SPOCK3: variants seen among roughly 807,000 people sequenced by gnomAD.
SPOCK3 encodes SPARC (osteonectin), cwcv and kazal like domains proteoglycan 3.
A neutral mutation model predicts 56.6 loss-of-function variants in SPOCK3; 30 were observed. That is an observed-to-expected ratio of 0.53 (90% CI 0.40 to 0.72). The LOEUF is 0.72. Among genes scored for constraint, SPOCK3 ranks in the 30% least tolerant of loss-of-function variants. The pLI is 0.00. For synonymous variants in SPOCK3, 196 were observed against 183.3 expected, an observed-to-expected ratio of 1.07 and a Z score of -0.56; for missense variants, 527 against 530.0, an observed-to-expected ratio of 0.99 and a Z score of 0.06.
intron 7 of SPOCK3, among the ~76,000 whole-genome samples, chr4:166,779,571 C>G (rs1261198157): frequency 1.3e-5 from 2 of 151,192 alleles, no homozygotes; most frequent in Non-Finnish European, 2.9e-5. Context: ...TCAAAATTAT[C>G]TAATTTGAAA....
chr4:167,202,607 T>C (rs183690758), intron 2 of SPOCK3, among the ~76,000 whole-genome samples: 9 of 152,040 alleles, frequency 5.9e-5, no homozygotes, highest in Non-Finnish European at 7.4e-5. Context: ...ATTCTCCCTC[T>C]GATTTTTTAA....
chr4:166,921,865 C>G (rs1738526208), intron 4 of SPOCK3, among the ~76,000 whole-genome samples: 1 of 152,192 alleles, frequency 6.6e-6, no homozygotes, highest in Non-Finnish European at 1.5e-5. Context: ...TTATCATCTT[C>G]TAACCTACAA....
chr4:166,972,276 A>AACC (rs1252663277), intron 4 of SPOCK3, among the ~76,000 whole-genome samples: 1 of 152,166 alleles, frequency 6.6e-6, no homozygotes, highest in East Asian at 1.9e-4. Context: ...TTCTGTACAA[A>AACC]ACCACAAATC....
At chr4:167,152,135 G>A (rs1215766356) in intron 2 of SPOCK3, among the ~76,000 whole-genome samples, 1 of 152,140 alleles carries the variant, frequency 6.6e-6, no homozygotes, top group Admixed American at 6.6e-5. Flanking sequence ...AATATAAGTA[G>A]CTTACATCAT....
intron 6 of SPOCK3, among the ~76,000 whole-genome samples, chr4:166,868,668 T>C (rs1376278047): frequency 2.6e-5 from 4 of 152,156 alleles, no homozygotes; most frequent in Admixed American, 2.0e-4. Flanking sequence ...ATGCATACTT[T>C]TATCTATTTA....
At chr4:167,097,649 C>T (rs997005385) in intron 2 of SPOCK3, among the ~76,000 whole-genome samples, 2 of 151,602 alleles carry the variant, frequency 1.3e-5, no homozygotes, top group Admixed American at 6.6e-5. Context: ...TACAATTGTT[C>T]CTGTTACCTA....
In SPOCK3 at chr4:167,003,520, C is replaced by T. The variant is rs113548956; in HGVS notation, c.236-3057G>A. Among the ~76,000 whole-genome samples the T allele has an allele frequency of 4.1e-3, 628 of 152,292 alleles. 4 individuals are homozygous for T. Among genetic ancestry groups the T allele is most frequent in the African/African-American group, 0.014 (585 of 41,568 alleles). On this transcript the variant is annotated intron_variant, in intron 3 of 10. Coordinates refer to ENST00000357545, the MANE Select transcript of SPOCK3 (RefSeq NM_001040159.2). The stretch of plus-strand genomic sequence containing the variant: ...ACAAATTTCTCTTGGCTGAAGTCCA[C>T]GGATTAGAATCAATCCTCTGCCTTA...
intron 2 of SPOCK3, among the ~76,000 whole-genome samples, chr4:167,172,705 A>G (rs759767042): frequency 3.9e-5 from 6 of 152,124 alleles, no homozygotes; most frequent in Non-Finnish European, 8.8e-5. Flanking sequence ...TTTTTCATAG[A>G]GAATATCTAC....
intron 6 of SPOCK3, among the ~76,000 whole-genome samples, chr4:166,870,085 C>A (rs780580895): frequency 6.6e-6 from 1 of 152,006 alleles, no homozygotes; most frequent in Non-Finnish European, 1.5e-5. Context: ...ATCATGAAAT[C>A]TTCTTAGACT....
At chr4:166,954,305 G>A (rs1195568556) in intron 4 of SPOCK3, among the ~76,000 whole-genome samples, 2 of 152,018 alleles carry the variant, frequency 1.3e-5, no homozygotes, top group East Asian at 3.9e-4. Flanking sequence ...CTTATAGTTT[G>A]ATATCATCCC....
intron 6 of SPOCK3, among the ~76,000 whole-genome samples, chr4:166,858,254 C>T (rs561413979): frequency 6.6e-6 from 1 of 152,244 alleles, no homozygotes; most frequent in South Asian, 2.1e-4. Context: ...TTGGAAGGCT[C>T]CCTATTTTCC....
intron 2 of SPOCK3, among the ~76,000 whole-genome samples, chr4:167,112,376 G>C (rs1760977741): frequency 6.6e-6 from 1 of 152,110 alleles, no homozygotes. Context: ...GTGTATTAAA[G>C]CATATTTATG....
intron 7 of SPOCK3, among the ~76,000 whole-genome samples, chr4:166,770,564 A>G (rs1223848307): frequency 6.6e-6 from 1 of 152,222 alleles, no homozygotes; most frequent in Non-Finnish European, 1.5e-5. Context: ...TGAATCGTGA[A>G]AAAATATAAA....
intron 3 of SPOCK3, among the ~76,000 whole-genome samples, chr4:167,058,180 T>C (rs1236438828): frequency 6.6e-6 from 1 of 152,064 alleles, no homozygotes; most frequent in African/African-American, 2.4e-5. Flanking sequence ...AAATAAAGGG[T>C]ATTCAATTAG....
chr4:166,813,768 A>G (rs1744093120), intron 6 of SPOCK3, among the ~76,000 whole-genome samples: 1 of 152,052 alleles, frequency 6.6e-6, no homozygotes, highest in South Asian at 2.1e-4. Flanking sequence ...GTACCAAAAT[A>G]AACTCATATT....
intron 6 of SPOCK3, among the ~76,000 whole-genome samples, chr4:166,810,139 A>G (rs1161670933): frequency 6.6e-6 from 1 of 152,068 alleles, no homozygotes; most frequent in Non-Finnish European, 1.5e-5. Context: ...TCCCCAAATC[A>G]TTTAGCACAA....
chr4:166,754,745 A>G lies in SPOCK3; in HGVS notation c.710-16T>C. 1.9e-6 allele frequency: 3 copies of G among 1,612,322 alleles called. No individual in the cohort carries two copies. Among genetic ancestry groups the G allele is most frequent in the Non-Finnish European group, 1.7e-6 (2 of 1,179,102 alleles). ...GTATCGAATCCTAAAGGCAAAAAAA[A>G]GAAAATGATTAGTTAAATATGAAAG... On this transcript the variant is annotated splice_polypyrimidine_tract_variant and intron_variant, in intron 7 of 10. Transcript: ENST00000357545.
intron 4 of SPOCK3, among the ~76,000 whole-genome samples, chr4:166,945,623 T>G (rs892659808): frequency 2.6e-5 from 4 of 152,188 alleles, no homozygotes; most frequent in Non-Finnish European, 5.9e-5. Flanking sequence ...CTGTGTCCTG[T>G]GCAGGTACCC....
At chr4:166,876,984 T>G (rs2126966026) in intron 6 of SPOCK3, among the ~76,000 whole-genome samples, 1 of 152,236 alleles carries the variant, frequency 6.6e-6, no homozygotes, top group African/African-American at 2.4e-5. Context: ...TATTTATTTT[T>G]CAAAATAGTA....
Sources: gnomAD v4.1 joint callset for allele counts (sites outside exome capture counted in the v4.1 genomes callset) on GRCh38, gnomAD v4.1.1 for gene constraint, MANE v1.5 for transcripts, NCBI Gene and HGNC (gene_info 2026-07-23, HGNC 2026-07-21) for gene names.